Variants in TMEM131 observed in about 807,000 individuals in gnomAD.
TMEM131 encodes transmembrane protein 131, also known as 2610524E03Rik.
In TMEM131, 66 loss-of-function variants were observed where a neutral mutation model predicts 211.6. The observed-to-expected ratio is 0.31, with a 90% CI of 0.26 to 0.38. The LOEUF (loss-of-function observed/expected upper bound fraction) is 0.38. TMEM131 is among the 10% of genes least tolerant of loss of function. TMEM131 has a pLI of 1.00. For missense variants in TMEM131, 2,036 were observed against 2,299.3 expected (o/e 0.89, Z 2.34); for synonymous variants, 844 against 841.3 (o/e 1.00, Z -0.06).
chr2:97,840,162 T>A (rs1683129335), intron 7 of TMEM131, among the ~76,000 whole-genome samples: 1 of 152,212 alleles, frequency 6.6e-6, no homozygotes, highest in African/African-American at 2.4e-5. Context: ...TGCTCTCTTG[T>A]GTAAATCTTG....
chr2:97,776,612 G>A (rs958656684), intron 31 of TMEM131, among the ~76,000 whole-genome samples: 2 of 152,184 alleles, frequency 1.3e-5, no homozygotes, highest in African/African-American at 4.8e-5. Context: ...TGACAAATCT[G>A]TATGTCTGTC....
chr2:97,984,097 A>T (rs1679921457), intron 1 of TMEM131, among the ~76,000 whole-genome samples: 1 of 152,200 alleles, frequency 6.6e-6, no homozygotes, highest in Non-Finnish European at 1.5e-5. Flanking sequence ...AAAGTAGGTT[A>T]ACATAAACCA....
intron 8 of TMEM131, among the ~76,000 whole-genome samples, chr2:97,836,201 C>T (rs894929907): frequency 2.0e-5 from 3 of 152,214 alleles, no homozygotes; most frequent in Non-Finnish European, 4.4e-5. Context: ...AAATAACTGG[C>T]TGATAAATTT....
chr2:97,775,266 C>T (rs755482163), intron 32 of TMEM131, among the ~76,000 whole-genome samples: 73 of 152,152 alleles, frequency 4.8e-4, no homozygotes, highest in Non-Finnish European at 8.8e-4. Flanking sequence ...CTCCAACGGG[C>T]GAGGCAGCTT....
intron 4 of TMEM131, among the ~76,000 whole-genome samples, chr2:97,887,464 G>A (rs1675208924): frequency 6.6e-6 from 1 of 152,172 alleles, no homozygotes; most frequent in African/African-American, 2.4e-5. Flanking sequence ...TCTTTCTTAG[G>A]TGCTGAGTGC....
intron 2 of TMEM131, among the ~76,000 whole-genome samples, chr2:97,919,532 C>T (rs1388013927): frequency 6.6e-6 from 1 of 152,172 alleles, no homozygotes; most frequent in Non-Finnish European, 1.5e-5. Flanking sequence ...GAAGGTCTCT[C>T]TTTTTCTCTA....
At chr2:97,880,733 A>G (rs1284934684) in intron 4 of TMEM131, among the ~76,000 whole-genome samples, 1 of 152,206 alleles carries the variant, frequency 6.6e-6, no homozygotes, top group Non-Finnish European at 1.5e-5. Flanking sequence ...GATTACAGGC[A>G]TATGTCAAAG....
Position 97,801,947 on chromosome 2 carries a change from T to C in TMEM131, c.2666A>G (p.Lys889Arg). Residue 889 changes from lysine to arginine, a missense_variant, in exon 25 of 41, where the codon AAG (lysine) becomes AGG (arginine). Lys to Arg is a conservative substitution (Grantham distance 26). Transcript: ENST00000186436. ...TGTTCTCAAATCTATCTTTGCCACCTTACTCAAGTTAAACCTAAAACAAAA... is the reference window on the plus strand; with the variant it reads ...TGTTCTCAAATCTATCTTTGCCACCCTACTCAAGTTAAACCTAAAACAAAA... ...DKLVSRFNLS[K>R]VAKIDLRTLE... 11 of 1,607,984 alleles carry C rather than the reference T, an allele frequency of 6.8e-6. No individual in the cohort carries two copies. The highest frequency in any genetic ancestry group is 9.3e-6 in the Non-Finnish European group (11 of 1,176,954).
chr2:97,995,610 G>C lies in TMEM131; in HGVS notation c.53C>G (p.Ser18Cys), dbSNP rs1283540840. 1.6e-6 allele frequency: 2 copies of C among 1,247,290 alleles called. No homozygotes were observed. The highest frequency in any genetic ancestry group is 2.0e-6 in the Non-Finnish European group (2 of 996,368). 77.3% of individuals were successfully genotyped at this position (1,247,290 alleles called of 1,614,324 possible). A position where few individuals can be genotyped will look rare whatever the true frequency, so the allele number is the denominator to read the frequency against. The change falls in exon 1 of 41, where the codon TCC becomes TGC. Residue 18 changes from serine (S) to cysteine (C), a missense_variant. By Grantham distance (112) the Ser-to-Cys change is moderately radical. Transcript: ENST00000186436. ...TTCCAGCCCGGCCCCGGCGGACGTGGAGACGGCGGCGGTGGTGGCTCCGGT... is the reference window on the plus strand; with the variant it reads ...TTCCAGCCCGGCCCCGGCGGACGTGCAGACGGCGGCGGTGGTGGCTCCGGT... ...GATGATTAAV[S>C]TSAGAGLEPA...
At chr2:97,781,565 T>C (rs943551045) in intron 31 of TMEM131, among the ~76,000 whole-genome samples, 3 of 152,178 alleles carry the variant, frequency 2.0e-5, no homozygotes, top group African/African-American at 7.2e-5. Flanking sequence ...TTTTCCCTAA[T>C]TGGGAAATAT....
chr2:97,871,068 A>AT (rs34694057), intron 4 of TMEM131, among the ~76,000 whole-genome samples: 4 of 152,038 alleles, frequency 2.6e-5, no homozygotes, highest in Admixed American at 6.5e-5. Context: ...TTCAACGTCC[A>AT]TTTTTTTTAT....
Position 97,766,154 on chromosome 2 carries a change from T to C in TMEM131, c.4683A>G (p.Pro1561=), listed in dbSNP as rs150677546. ...SSSEGEKDSP[P]PEWDSVPVHK... is the part of the protein sequence containing the mutation. ...GAACTGGAACGGAATCCCACTCCGG[T>C]GGAGGAGAGTCTTTTTCACCCTCTG... The change falls in exon 35 of 41, where the codon CCA becomes CCG. Residue 1561 remains proline, a synonymous_variant. Coordinates refer to ENST00000186436, the MANE Select transcript of TMEM131 (RefSeq NM_015348.2). 427 of 1,614,020 alleles carry C rather than the reference T, an allele frequency of 2.6e-4. 2 individuals carry two copies. The African/African-American group carries it at 4.9e-3, about 19-fold the overall frequency.
At chr2:97,921,507 T>C (rs1189134072) in intron 2 of TMEM131, among the ~76,000 whole-genome samples, 1 of 152,158 alleles carries the variant, frequency 6.6e-6, no homozygotes, top group Admixed American at 6.5e-5. Flanking sequence ...CTGAACTTCA[T>C]TAAAATTAAG....
intron 4 of TMEM131, among the ~76,000 whole-genome samples, chr2:97,867,517 T>C (rs1174222749): frequency 6.6e-6 from 1 of 152,236 alleles, no homozygotes; most frequent in East Asian, 1.9e-4. Flanking sequence ...TGCCCTGCTG[T>C]ACAAGTAGTG....
chr2:97,938,813 AT>A (rs1677573559), intron 1 of TMEM131, among the ~76,000 whole-genome samples: 1 of 152,236 alleles, frequency 6.6e-6, no homozygotes, highest in African/African-American at 2.4e-5. Context: ...AAGAATAGAA[AT>A]TATAACAAAC....
At chr2:97,821,489 T>C (rs1682118613) in intron 11 of TMEM131, among the ~76,000 whole-genome samples, 1 of 152,174 alleles carries the variant, frequency 6.6e-6, no homozygotes, top group South Asian at 2.1e-4. Flanking sequence ...CTCTTCACAA[T>C]AAATCTTGCT....
chr2:97,760,952 A>G (rs1678807918), intron 36 of TMEM131, 38 bp from the exon 37 acceptor site: 1 of 1,611,194 alleles, frequency 6.2e-7, no homozygotes, highest in Non-Finnish European at 8.5e-7. Flanking sequence ...ATTCCTCATC[A>G]GCAGTGCCCT....
chr2:97,888,650 TTACAG>T (rs1675257945), intron 3 of TMEM131, among the ~76,000 whole-genome samples: 1 of 152,196 alleles, frequency 6.6e-6, no homozygotes, highest in African/African-American at 2.4e-5. Context: ...GGCCTCCATA[TTACAG>T]TAGCATCTTC....
At chr2:97,847,800 A>G (rs1683520352) in intron 5 of TMEM131, among the ~76,000 whole-genome samples, 1 of 152,226 alleles carries the variant, frequency 6.6e-6, no homozygotes, top group South Asian at 2.1e-4. Context: ...CTATGATTAT[A>G]TAAGATGTTA....
Sources: gnomAD v4.1 joint callset for allele counts (sites outside exome capture counted in the v4.1 genomes callset) on GRCh38, gnomAD v4.1.1 for gene constraint, MANE v1.5 for transcripts, NCBI Gene and HGNC (gene_info 2026-07-23, HGNC 2026-07-21) for gene names.